MOCOS: variants seen among roughly 807,000 people sequenced by gnomAD.
The protein encoded by MOCOS is molybdenum cofactor sulfurase.
Under a neutral mutation model 83.6 loss-of-function variants are expected in MOCOS, and 86 were observed. The ratio of observed to expected loss-of-function variants is 1.03; its 90% CI spans 0.86 to 1.23. MOCOS has a LOEUF of 1.23. Among genes scored for constraint, MOCOS ranks in the 50% most tolerant of loss-of-function variants. MOCOS has a pLI of 0.00. For synonymous variants in MOCOS, 445 were observed against 434.7 expected, an observed-to-expected ratio of 1.02 and a Z score of -0.29; for missense variants, 1,120 against 1,126.9, an observed-to-expected ratio of 0.99 and a Z score of 0.09.
intron 12 of MOCOS, among the ~76,000 whole-genome samples, chr18:36,257,323 C>T (rs1451290074): frequency 6.6e-6 from 1 of 152,066 alleles, no homozygotes; most frequent in African/African-American, 2.4e-5. Context: ...AATGGAGAAC[C>T]CCTAGCTCTC....
intron 6 of MOCOS, among the ~76,000 whole-genome samples, chr18:36,207,666 T>G (rs1178187034): frequency 2.0e-5 from 3 of 152,212 alleles, no homozygotes; most frequent in Non-Finnish European, 4.4e-5. Flanking sequence ...CTTATTGATT[T>G]AAGTTCCTTA....
chr18:36,198,109 T>G (rs2091396994), intron 2 of MOCOS, among the ~76,000 whole-genome samples: 1 of 152,128 alleles, frequency 6.6e-6, no homozygotes, highest in South Asian at 2.1e-4. Flanking sequence ...CTTCCCTGGC[T>G]GGGCACAGTG....
chr18:36,195,284 C>G lies in MOCOS; in HGVS notation c.170C>G (p.Ala57Gly). 1 of 1,614,100 alleles carries G rather than the reference C, an allele frequency of 6.2e-7. No homozygotes were observed. Among genetic ancestry groups the G allele is most frequent in the Non-Finnish European group, 8.5e-7 (1 of 1,179,968 alleles). The change falls in exon 2 of 15, where the codon GCC (alanine) becomes GGC (glycine). Residue 57 changes from alanine (A) to glycine (G), a missense_variant. Ala to Gly is a moderately conservative substitution (Grantham distance 60). Coordinates refer to ENST00000261326, the MANE Select transcript of MOCOS (RefSeq NM_017947.4). ...ACTGTCTATCTTGACCATGCAGGTG[C>G]CACCTTGTTCTCCCAGAGCCAGCTC... ...AGTVYLDHAG[A>G]TLFSQSQLES...
chr18:36,262,250 TACACACACAC>T (rs71168212), intron 13 of MOCOS, among the ~76,000 whole-genome samples: 1 of 127,824 alleles, frequency 7.8e-6, no homozygotes, highest in Non-Finnish European at 1.6e-5. Flanking sequence ...CGTCTCTCTC[TACACACACAC>T]ACACACACAC....
At chr18:36,256,888 A>G in intron 11 of MOCOS, 80 bp from the exon 12 acceptor site, 1 of 1,274,904 alleles carries the variant, frequency 7.8e-7, no homozygotes, top group Non-Finnish European at 1.1e-6. Context: ...TACCTTTTAA[A>G]AAAATACAAG....
Position 36,215,540 on chromosome 18 carries a change from A to G in MOCOS, c.1360A>G (p.Met454Val), listed in dbSNP as rs775809265. The G allele has an allele frequency of 1.2e-6, 2 of 1,614,094 alleles. No individual in the cohort carries two copies. The highest frequency in any genetic ancestry group is 1.7e-6 in the Non-Finnish European group (2 of 1,180,012). The change falls in exon 8 of 15, where the codon ATG becomes GTG. Residue 454 changes from methionine to valine, a missense_variant. Met to Val is a conservative substitution (Grantham distance 21). Transcript: ENST00000261326. ...FQAGHVCGDNMDLIDGQPTGS... is the reference protein window; with the variant it reads ...FQAGHVCGDNVDLIDGQPTGS... ...GGCTGGTCATGTCTGTGGGGACAAT[A>G]TGGACCTCATAGATGGGCAGCCCAC...
At chr18:36,208,512 CT>C (rs1380600889) in intron 6 of MOCOS, among the ~76,000 whole-genome samples, 2 of 151,984 alleles carry the variant, frequency 1.3e-5, no homozygotes, top group African/African-American at 4.8e-5. Context: ...GATATCCCCC[CT>C]GGTAAGGTGG....
chr18:36,219,305 A>AT (rs1174048304), intron 8 of MOCOS, among the ~76,000 whole-genome samples: 2 of 151,916 alleles, frequency 1.3e-5, no homozygotes, highest in Non-Finnish European at 2.9e-5. Context: ...CTCTCAGCTG[A>AT]TTTTTTGTAT....
Position 36,195,362 on chromosome 18 carries a change from T to A in MOCOS, c.232+16T>A, listed in dbSNP as rs1458134981. ...AACACTTATGGTAAAGAAAAACACC[T>A]GAAACAGGTTTTAGTCAACTACATG... On this transcript the variant is annotated intron_variant, in intron 2 of 14. Coordinates refer to ENST00000261326, the MANE Select transcript of MOCOS (RefSeq NM_017947.4). 1.3e-5 allele frequency: 21 copies of A among 1,603,154 alleles called. No homozygotes were observed. Among genetic ancestry groups the A allele is most frequent in the Non-Finnish European group, 1.6e-5 (19 of 1,170,018 alleles).
rs115397012 is a variant in MOCOS at position 36,232,464 on chromosome 18, C to T, written c.1960+12247C>T. 2.7e-3 allele frequency among the ~76,000 whole-genome samples: 417 copies of T among 152,248 alleles called. 1 individual carries two copies. Among genetic ancestry groups the T allele is most frequent in the African/African-American group, 9.6e-3 (398 of 41,538 alleles). On this transcript the variant is annotated intron_variant, in intron 9 of 14. Transcript: ENST00000261326. ...TAATTATATAGCATATTCATCACCT[C>T]AAATATTTATCATTTCTTTGTGTTG... is the stretch of plus-strand genomic sequence containing the variant.
At chr18:36,264,145 C>A (rs576610042) in intron 13 of MOCOS, among the ~76,000 whole-genome samples, 34 of 152,072 alleles carry the variant, frequency 2.2e-4, no homozygotes, top group African/African-American at 8.0e-4. Context: ...AAGAGTGAAA[C>A]TCCAGTCTGG....
At chr18:36,261,696 T>A (rs2144153862) in intron 13 of MOCOS, among the ~76,000 whole-genome samples, 1 of 152,308 alleles carries the variant, frequency 6.6e-6, no homozygotes, top group Non-Finnish European at 1.5e-5. Flanking sequence ...TGACAAGCAA[T>A]CTATATTATG....
chr18:36,189,890 C>T (rs551448658), intron 1 of MOCOS: 1 of 152,354 alleles, frequency 6.6e-6, no homozygotes, highest in African/African-American at 2.4e-5. Context: ...ACCTTTGTCC[C>T]ATCTGCAGAT....
At chr18:36,231,792 G>C (rs1159933779) in intron 9 of MOCOS, among the ~76,000 whole-genome samples, 1 of 152,064 alleles carries the variant, frequency 6.6e-6, no homozygotes, top group African/African-American at 2.4e-5. Flanking sequence ...AGTGTCCCTG[G>C]GGCCTTGGAT....
intron 9 of MOCOS, among the ~76,000 whole-genome samples, chr18:36,230,157 A>T (rs1286339623): frequency 6.6e-6 from 1 of 152,124 alleles, no homozygotes; most frequent in Non-Finnish European, 1.5e-5. Flanking sequence ...ATCTCGGCTT[A>T]CTGCAACCTT....
At chr18:36,231,167 T>C (rs2091536197) in intron 9 of MOCOS, among the ~76,000 whole-genome samples, 1 of 152,152 alleles carries the variant, frequency 6.6e-6, no homozygotes, top group Non-Finnish European at 1.5e-5. Context: ...TGAACGCTTT[T>C]TCTGTATTTG....
chr18:36,231,355 G>A (rs1217837321), intron 9 of MOCOS, among the ~76,000 whole-genome samples: 1 of 152,180 alleles, frequency 6.6e-6, no homozygotes, highest in Non-Finnish European at 1.5e-5. Flanking sequence ...TTTTATCAGT[G>A]AGAGTGATTA....
intron 12 of MOCOS, among the ~76,000 whole-genome samples, chr18:36,259,728 G>A (rs2091655773): frequency 6.6e-6 from 1 of 152,112 alleles, no homozygotes; most frequent in South Asian, 2.1e-4. Context: ...CTTTTTCACT[G>A]GAGTTCTGTT....
At chr18:36,232,885 CA>C (rs1568060516) in intron 9 of MOCOS, among the ~76,000 whole-genome samples, 17 of 141,032 alleles carry the variant, frequency 1.2e-4, no homozygotes, top group African/African-American at 4.3e-4. Flanking sequence ...CACACACACA[CA>C]CACCATTTTC....
Sources: allele counts gnomAD v4.1 joint callset (sites outside exome capture counted in the v4.1 genomes callset), GRCh38; gene constraint gnomAD v4.1.1; transcripts MANE v1.5; gene names NCBI Gene and HGNC (gene_info 2026-07-23, HGNC 2026-07-21).